EIF4E3: variants seen among roughly 807,000 people sequenced by gnomAD.
The protein encoded by EIF4E3 is eukaryotic translation initiation factor 4E type 3.
In EIF4E3, 26 loss-of-function variants were observed where a neutral mutation model predicts 31.7. The ratio of observed to expected loss-of-function variants is 0.82; its 90% confidence interval spans 0.60 to 1.14. The LOEUF (loss-of-function observed/expected upper bound fraction) is 1.14. Among genes scored for constraint, EIF4E3 ranks in the 50% most tolerant of loss-of-function variants. The pLI is 0.00. For synonymous variants in EIF4E3, 128 were observed against 107.7 expected, an observed-to-expected ratio of 1.19 and a Z score of -1.17; for missense variants, 304 against 270.9, an observed-to-expected ratio of 1.12 and a Z score of -0.86.
intron 2 of EIF4E3, among the ~76,000 whole-genome samples, chr3:71,699,927 C>G (rs1207072735): frequency 6.6e-6 from 1 of 152,182 alleles, no homozygotes; most frequent in Non-Finnish European, 1.5e-5. Flanking sequence ...AATCCCAGCA[C>G]TTTGGGAGGC....
chr3:71,673,934 A>T (rs1350074753), downstream of EIF4E3, among the ~76,000 whole-genome samples: 2 of 144,142 alleles, frequency 1.4e-5, no homozygotes, highest in Admixed American at 6.9e-5. Context: ...TATATATAAA[A>T]AACATAATAT....
chr3:71,699,521 T>C, intron 3 of EIF4E3, 93 bp downstream of exon 3: 2 of 1,142,672 alleles, frequency 1.8e-6, no homozygotes, highest in Non-Finnish European at 2.6e-6. Flanking sequence ...ATGTTGTCCA[T>C]GTGAGACACA....
intron 2 of EIF4E3, among the ~76,000 whole-genome samples, chr3:71,700,693 T>A (rs9822700): frequency 0.35 from 52,362 of 150,762 alleles, 9,521 homozygotes; most frequent in East Asian, 0.47. Context: ...TTGGGGGTTG[T>A]GGGATAAAGG....
chr3:71,690,021 A>G lies in EIF4E3; in HGVS notation c.617T>C (p.Val206Ala). ...ELLPHITFKA[V>A]FYKPHEEHHA... ...AATGAAGCACTTACGTTTATAAAATACTGCTTTAAAAGTTATGTGGGGCAG... is the reference window on the plus strand; with the variant it reads ...AATGAAGCACTTACGTTTATAAAATGCTGCTTTAAAAGTTATGTGGGGCAG... Residue 206 changes from valine (V) to alanine (A), a missense_variant, in exon 6 of 7, where the codon GTA (valine) becomes GCA (alanine). Coordinates refer to ENST00000425534, the MANE Select transcript of EIF4E3 (RefSeq NM_001134651.2). 1.2e-6 allele frequency: 2 copies of G among 1,610,270 alleles called. No homozygotes were observed. The highest frequency in any genetic ancestry group is 1.7e-6 in the Non-Finnish European group (2 of 1,178,326).
chr3:71,706,933 T>C (rs962383254), intron 2 of EIF4E3, among the ~76,000 whole-genome samples: 1 of 152,222 alleles, frequency 6.6e-6, no homozygotes, highest in Non-Finnish European at 1.5e-5. Context: ...TCTTAAATAC[T>C]AAGGACAATT....
At chr3:71,752,852 A>C (rs1010668339) in intron 1 of EIF4E3, among the ~76,000 whole-genome samples, 9 of 152,250 alleles carry the variant, frequency 5.9e-5, no homozygotes, top group African/African-American at 2.2e-4. Flanking sequence ...AGGTACCAGC[A>C]CATGCAAGGT....
At position 71,746,027 on chromosome 3, in the gene EIF4E3, C is replaced by T. The variant is rs550496478; in HGVS notation, c.-291+7436G>A. On this transcript the variant is annotated intron_variant, in intron 1 of 7. Transcript: ENST00000295612. ...CTATGCCGTTAGCATAATGGTTTTT[C>T]GCAATTCTGTACTAGCAGATACAAT... 7.2e-5 allele frequency among the ~76,000 whole-genome samples: 11 copies of T among 152,232 alleles called. No homozygotes were observed. In the East Asian group the frequency reaches 7.7e-4, roughly 11 times the overall value.
upstream of EIF4E3, chr3:71,754,107 C>T: frequency 7.1e-7 from 1 of 1,402,576 alleles, no homozygotes; most frequent in Non-Finnish European, 9.4e-7. The surrounding 1 kb of genome is among the most constrained non-coding windows in gnomAD (Gnocchi z 5.8). Context: ...CGCCCTGGGC[C>T]TCAAGCTGGC....
At chr3:71,693,735 A>T (rs147018749) in intron 5 of EIF4E3, 140 bp downstream of exon 5, 2 of 772,110 alleles carry the variant, frequency 2.6e-6, no homozygotes, top group Non-Finnish European at 3.8e-6. Flanking sequence ...ATGAAAAAAA[A>T]TTGAGTAACT....
chr3:71,689,645 T>C (rs1012311529), intron 6 of EIF4E3, among the ~76,000 whole-genome samples: 3 of 152,220 alleles, frequency 2.0e-5, no homozygotes, highest in African/African-American at 7.2e-5. Flanking sequence ...GAAGGGATGA[T>C]TGAATATCTA....
In EIF4E3 at chr3:71,684,714, G is replaced by C; in HGVS notation, c.643C>G (p.His215Asp). The C allele has an allele frequency of 2.5e-6, 4 of 1,613,722 alleles. No individual in the cohort carries two copies. The highest frequency in any genetic ancestry group is 3.4e-6 in the Non-Finnish European group (4 of 1,179,924). ...AVFYKPHEEH[H>D]AFEGGRGKH is the part of the protein sequence containing the mutation. The stretch of plus-strand genomic sequence containing the variant: ...TTTCCACGTCCACCTTCAAAAGCAT[G>C]ATGCTCTTCATGGGCTAAAGGACAG... The change falls in exon 7 of 7, where the codon CAT becomes GAT. Residue 215 changes from histidine to aspartate, a missense_variant. Transcript: ENST00000425534.
In EIF4E3 at chr3:71,679,880, T is replaced by C. The variant is rs2048903533; in HGVS notation, c.*4802A>G. On this transcript the variant is annotated 3_prime_UTR_variant, in exon 7 of 7. Coordinates refer to ENST00000425534, the MANE Select transcript of EIF4E3 (RefSeq NM_001134651.2). ...ACGTTCATTTAATCTTGTTCAATGA[T>C]GCTGAACCCCAGATGCCATAAGACA... 6.6e-6 allele frequency: 1 copy of C among 152,220 alleles called. No homozygotes were observed. The highest frequency in any genetic ancestry group is 2.4e-5 in the African/African-American group (1 of 41,458). The allele number at this position is 152,220 out of a possible 1,614,324, so 9.4% of individuals were successfully genotyped here. A position where few individuals can be genotyped will look rare whatever the true frequency, so the allele number is the denominator to read the frequency against.
chr3:71,754,556 G>T (rs1298013582), upstream of EIF4E3: 20 of 1,371,032 alleles, frequency 1.5e-5, no homozygotes, highest in Middle Eastern at 2.6e-4. This position sits in a 1 kb window ranked among gnomAD's most constrained non-coding sequence, Gnocchi z 5.8. Flanking sequence ...ACGAGGACGC[G>T]CCGTGCGCCC....
In EIF4E3 at chr3:71,725,334, C is replaced by T; in HGVS notation, c.34G>A (p.Gly12Arg). The T allele has an allele frequency of 4.1e-6, 4 of 973,260 alleles. No individual in the cohort carries two copies. Among genetic ancestry groups the T allele is most frequent in the Non-Finnish European group, 4.9e-6 (4 of 821,550 alleles). 60.3% of individuals were successfully genotyped at this position (973,260 alleles called of 1,614,324 possible). Residue 12 changes from glycine to arginine, a missense_variant, in exon 1 of 7, where the codon GGG becomes AGG. Transcript: ENST00000425534. This position sits in a 1 kb window ranked among gnomAD's most constrained non-coding sequence, Gnocchi z 6.1. ...CGGGACCCCGGCGGCTCCCGGGCCC[C>T]GGCGGGGGGCGCGGCGGCCGGGGGC... ...ALPPAAAPPAGAREPPGSRAA... is the reference protein window; with the variant it reads ...ALPPAAAPPARAREPPGSRAA...
At chr3:71,728,171 A>G (rs971206573), upstream of EIF4E3, among the ~76,000 whole-genome samples, 3 of 152,258 alleles carry the variant, frequency 2.0e-5, no homozygotes, top group African/African-American at 7.2e-5. Flanking sequence ...TAGGTGGTAT[A>G]TATGAATAGA....
intron 6 of EIF4E3, among the ~76,000 whole-genome samples, chr3:71,687,614 C>T (rs2049010242): frequency 6.6e-6 from 1 of 152,194 alleles, no homozygotes; most frequent in African/African-American, 2.4e-5. Flanking sequence ...CTCAGCTGTT[C>T]TGAAGAACTT....
chr3:71,700,515 G>C (rs2049200688), intron 2 of EIF4E3, among the ~76,000 whole-genome samples: 1 of 151,650 alleles, frequency 6.6e-6, no homozygotes, highest in Admixed American at 6.6e-5. Flanking sequence ...TCGGGAGGCT[G>C]AGGCAGGAGA....
intron 3 of EIF4E3, among the ~76,000 whole-genome samples, chr3:71,697,151 G>C (rs1440348130): frequency 1.3e-5 from 2 of 152,158 alleles, no homozygotes; most frequent in Non-Finnish European, 2.9e-5. Context: ...AAGTAGCTGG[G>C]ATTACAGGCA....
chr3:71,742,230 G>GA (rs891523567), intron 1 of EIF4E3, among the ~76,000 whole-genome samples: 2 of 152,014 alleles, frequency 1.3e-5, no homozygotes, highest in African/African-American at 2.4e-5. Flanking sequence ...ATTTGAGACT[G>GA]AAAAAAATGA....
Sources: gnomAD v4.1 joint callset for allele counts (sites outside exome capture counted in the v4.1 genomes callset) on GRCh38, gnomAD v4.1.1 for gene constraint, Gnocchi (gnomAD v3.1) non-coding constraint, MANE v1.5 for transcripts, NCBI Gene and HGNC (gene_info 2026-07-23, HGNC 2026-07-21) for gene names.